The following PIGN variants were observed in gnomAD, a reference collection of about 807,000 sequenced individuals.
The protein encoded by PIGN is GPI ethanolamine phosphate transferase 1.
In PIGN, 117 loss-of-function variants were observed where a neutral mutation model predicts 125.4. The ratio of observed to expected loss-of-function variants is 0.93; its 90% confidence interval spans 0.80 to 1.09. The LOEUF (loss-of-function observed/expected upper bound fraction) is 1.09. Ranked by LOEUF, PIGN falls within the 50% of genes least tolerant of loss-of-function variation. PIGN has a pLI of 0.00. For synonymous variants in PIGN, 392 were observed against 377.8 expected (o/e 1.04, Z -0.44); for missense variants, 1,075 against 1,094.9 (o/e 0.98, Z 0.26).
intron 20 of PIGN, among the ~76,000 whole-genome samples, chr18:62,104,788 C>T (rs1290897378): frequency 1.3e-5 from 2 of 152,070 alleles, no homozygotes; most frequent in African/African-American, 2.4e-5. Flanking sequence ...TTATAGCATT[C>T]TGAAGAAAGT....
At chr18:62,025,697 A>G (rs2030108568) in intron 23 of PIGN, among the ~76,000 whole-genome samples, 1 of 152,194 alleles carries the variant, frequency 6.6e-6, no homozygotes, top group African/African-American at 2.4e-5. Flanking sequence ...ATTTATTATC[A>G]TGCCCTAAAT....
At chr18:62,166,721 C>A (rs2037148262) in intron 1 of PIGN, among the ~76,000 whole-genome samples, 1 of 152,034 alleles carries the variant, frequency 6.6e-6, no homozygotes, top group African/African-American at 2.4e-5. Context: ...TATTATGCAG[C>A]CATAAAAAAG....
chr18:62,169,430 T>G (rs983683274), intron 1 of PIGN, among the ~76,000 whole-genome samples: 1 of 151,992 alleles, frequency 6.6e-6, no homozygotes, highest in Non-Finnish European at 1.5e-5. Flanking sequence ...TAACAGCTTA[T>G]GTATGGGCGT....
intron 1 of PIGN, among the ~76,000 whole-genome samples, chr18:62,167,055 C>A (rs1025837317): frequency 2.6e-5 from 4 of 152,004 alleles, no homozygotes; most frequent in Admixed American, 1.3e-4. Context: ...TATCCCAGAA[C>A]CTAAAGTAAA....
rs2030370867 is a variant in PIGN at position 62,041,573 on chromosome 18, G to A, written c.*4283C>T. ...GGCTCATTGCAAATTCCACCTCCCAGGTTCAAGCAATTCTCATGCCTCAGG... is the reference window on the plus strand; with the variant it reads ...GGCTCATTGCAAATTCCACCTCCCAAGTTCAAGCAATTCTCATGCCTCAGG... On this transcript the variant is annotated 3_prime_UTR_variant, in exon 31 of 31. Coordinates refer to ENST00000640252, the MANE Select transcript of PIGN (RefSeq NM_176787.5). The A allele has an allele frequency of 6.6e-6, 1 of 150,982 alleles. No homozygotes were observed. The highest frequency in any genetic ancestry group is 2.4e-5 in the African/African-American group (1 of 40,954). The allele number at this position is 150,982 out of a possible 1,614,324, so 9.4% of individuals were successfully genotyped here.
chr18:62,148,558 A>G (rs2036419849), intron 7 of PIGN, among the ~76,000 whole-genome samples: 1 of 152,168 alleles, frequency 6.6e-6, no homozygotes, highest in Non-Finnish European at 1.5e-5. Flanking sequence ...ATAAGGCCAA[A>G]AAAAGATGTT....
rs1233516743 is a variant in PIGN at position 62,157,749 on chromosome 18, G to T, written c.281C>A (p.Ser94Tyr). The change falls in exon 5 of 31, where the codon TCT (serine) becomes TAT (tyrosine). Residue 94 changes from serine to tyrosine, a missense_variant. Ser to Tyr is a moderately radical substitution (Grantham distance 144). Around this residue, in one of 3 missense-constraint regions of PIGN, gnomAD observed 152 missense variants for 162.9 expected, o/e 0.93. Transcript: ENST00000640252. ...GISHTRVPTE[S>Y]RPGHVALIAG... The stretch of plus-strand genomic sequence containing the variant: ...TATCAGAGCTACATGACCTGGCCGA[G>T]ATTCTGTTGGCACACGTGTATGAGA... The T allele has an allele frequency of 1.9e-6, 3 of 1,612,538 alleles. No homozygotes were observed. Among genetic ancestry groups the T allele is most frequent in the Non-Finnish European group, 2.5e-6 (3 of 1,179,056 alleles).
Position 62,041,993 on chromosome 18 carries a change from T to C in PIGN, c.*3863A>G, listed in dbSNP as rs1279842764. ...ATGTAAATATACCTATTTAAGGTGG[T>C]TTGACTAGATGTTTCTCAAATATAT... On this transcript the variant is annotated 3_prime_UTR_variant, in exon 31 of 31. Coordinates refer to ENST00000640252, the MANE Select transcript of PIGN (RefSeq NM_176787.5). The C allele has an allele frequency of 2.0e-5, 3 of 152,126 alleles. No individual in the cohort carries two copies. The highest frequency in any genetic ancestry group is 2.9e-5 in the Non-Finnish European group (2 of 68,034). 9.4% of individuals were successfully genotyped at this position (152,126 alleles called of 1,614,324 possible).
chr18:62,035,473 T>C (rs933238076), intron 23 of PIGN, among the ~76,000 whole-genome samples: 1 of 152,140 alleles, frequency 6.6e-6, no homozygotes, highest in African/African-American at 2.4e-5. Flanking sequence ...AACCAGACAG[T>C]TCAATCTTGT....
intron 28 of PIGN, among the ~76,000 whole-genome samples, chr18:62,078,810 T>C (rs2033305066): frequency 6.6e-6 from 1 of 152,222 alleles, no homozygotes; most frequent in Non-Finnish European, 1.5e-5. Context: ...TGAGCTTTTA[T>C]CCAATTGATA....
At chr18:62,058,075 T>G (rs1055521234) in intron 30 of PIGN, among the ~76,000 whole-genome samples, 1 of 76,574 alleles carries the variant, frequency 1.3e-5, no homozygotes, top group Non-Finnish European at 3.3e-5. Flanking sequence ...CACCTGCCAC[T>G]GAAGGTGGGT....
chr18:62,103,063 CTTTTAAG>C (rs2034506902), intron 20 of PIGN, among the ~76,000 whole-genome samples, 161 bp from the exon 21 acceptor site: 1 of 151,990 alleles, frequency 6.6e-6, no homozygotes. Flanking sequence ...TTTAAGAAAA[CTTTTAAG>C]TTTTAAGATT....
intron 23 of PIGN, among the ~76,000 whole-genome samples, chr18:62,091,173 C>G (rs2033939650): frequency 6.6e-6 from 1 of 152,040 alleles, no homozygotes; most frequent in East Asian, 1.9e-4. Context: ...ATAGTGAAAC[C>G]CTGTCTCTAC....
At chr18:62,023,940 T>C (rs2030083804) in intron 23 of PIGN, among the ~76,000 whole-genome samples, 1 of 152,192 alleles carries the variant, frequency 6.6e-6, no homozygotes, top group African/African-American at 2.4e-5. Context: ...TATACCATGG[T>C]AATTTGAATG....
intron 29 of PIGN, among the ~76,000 whole-genome samples, chr18:62,074,135 G>A (rs1401334884): frequency 1.3e-5 from 2 of 152,214 alleles, no homozygotes; most frequent in African/African-American, 4.8e-5. Flanking sequence ...AGAAACAGAA[G>A]CTTGGCATTT....
In PIGN at chr18:62,042,049, G is replaced by A. The variant is rs2144937630; in HGVS notation, c.*3807C>T. The A allele has an allele frequency of 6.6e-6, 1 of 152,246 alleles. No individual in the cohort carries two copies. The highest frequency in any genetic ancestry group is 2.4e-5 in the African/African-American group (1 of 41,552). The allele number at this position is 152,246 out of a possible 1,614,324, so 9.4% of individuals were successfully genotyped here. A position where few individuals can be genotyped will look rare whatever the true frequency, so the allele number is the denominator to read the frequency against. On this transcript the variant is annotated 3_prime_UTR_variant, in exon 31 of 31. Coordinates refer to ENST00000640252, the MANE Select transcript of PIGN (RefSeq NM_176787.5). ...TAAGAAACTCTTTTCAGCTGGGTGA[G>A]GCAGCTCACGCCTGTAATCCCAGCA... is the stretch of plus-strand genomic sequence containing the variant.
At chr18:62,147,202 C>A in intron 8 of PIGN, 101 bp from the exon 9 acceptor site, 1 of 1,331,188 alleles carries the variant, frequency 7.5e-7, no homozygotes, top group Non-Finnish European at 1.0e-6. Flanking sequence ...TTCTGAAATG[C>A]TTTTAGATTT....
chr18:62,046,202 C>T (rs972558556), intron 30 of PIGN, among the ~76,000 whole-genome samples: 3 of 152,112 alleles, frequency 2.0e-5, no homozygotes, highest in African/African-American at 7.2e-5. Context: ...GGACCTTCCA[C>T]GAATACCCAA....
intron 23 of PIGN, among the ~76,000 whole-genome samples, chr18:62,022,265 G>C (rs2030062121): frequency 6.6e-6 from 1 of 152,178 alleles, no homozygotes; most frequent in East Asian, 1.9e-4. Flanking sequence ...GCCTGTCAAG[G>C]AGAGGTAACT....
Sources: gnomAD v4.1 joint callset for allele counts (sites outside exome capture counted in the v4.1 genomes callset) on GRCh38, gnomAD v4.1.1 for gene constraint, gnomAD v4.1.1 regional missense constraint, MANE v1.5 for transcripts, NCBI Gene and HGNC (gene_info 2026-07-23, HGNC 2026-07-21) for gene names.